The following CRTC3 variants were observed in gnomAD, a reference collection of about 807,000 sequenced individuals.
CRTC3 encodes the protein CREB regulated transcription coactivator 3.
In CRTC3, 26 loss-of-function variants were observed where a neutral mutation model predicts 74.5. That is an observed-to-expected ratio of 0.35 (90% CI 0.26 to 0.48). The LOEUF (loss-of-function observed/expected upper bound fraction) is 0.48. Ranked by LOEUF, CRTC3 falls within the 20% of genes least tolerant of loss-of-function variation. CRTC3 has a pLI of 0.99. For synonymous variants in CRTC3, 377 were observed against 325.8 expected, an observed-to-expected ratio of 1.16 and a Z score of -1.69; for missense variants, 760 against 787.3, an observed-to-expected ratio of 0.97 and a Z score of 0.41.
chr15:90,629,504 G>T lies in CRTC3; in HGVS notation c.1238G>T (p.Ser413Ile), dbSNP rs774224765. 6.2e-7 allele frequency: 1 copy of T among 1,613,974 alleles called. No individual in the cohort carries two copies. The change falls in exon 11 of 15, where the codon AGC becomes ATC. Residue 413 changes from serine (S) to isoleucine (I), a missense_variant. Ser to Ile is a moderately radical substitution (Grantham distance 142). This residue lies in a region of CRTC3 where 652 missense variants were observed against 635.2 expected (regional missense o/e 1.03). Coordinates refer to ENST00000268184, the MANE Select transcript of CRTC3 (RefSeq NM_022769.5). ...QGFSRQLSSTSPLAPYPTSQM... is the reference protein window; with the variant it reads ...QGFSRQLSSTIPLAPYPTSQM... ...TTCAGCAGACAGCTGTCTTCAACCAGCCCACTGGCCCCATATCCTACCTCC... is the reference window on the plus strand; with the variant it reads ...TTCAGCAGACAGCTGTCTTCAACCATCCCACTGGCCCCATATCCTACCTCC...
At chr15:90,567,317 GAA>G (rs1161091996) in intron 2 of CRTC3, among the ~76,000 whole-genome samples, 1 of 151,664 alleles carries the variant, frequency 6.6e-6, no homozygotes. Flanking sequence ...CTACTGCTCA[GAA>G]AAAAAAGATT....
chr15:90,618,430 T>C (rs1334052788), intron 8 of CRTC3, among the ~76,000 whole-genome samples: 1 of 152,186 alleles, frequency 6.6e-6, no homozygotes, highest in Non-Finnish European at 1.5e-5. Flanking sequence ...GTCATCTGTT[T>C]TACTATGATT....
intron 2 of CRTC3, among the ~76,000 whole-genome samples, chr15:90,568,983 A>C (rs7168388): frequency 6.6e-6 from 1 of 151,100 alleles, no homozygotes; most frequent in Non-Finnish European, 1.5e-5. Context: ...GTAAACAAGT[A>C]TAACGAAACT....
chr15:90,625,719 G>GTATTTGGCT, intron 9 of CRTC3, 57 bp from the exon 10 acceptor site: 1 of 1,478,814 alleles, frequency 6.8e-7, no homozygotes, highest in Non-Finnish European at 9.5e-7. Context: ...AGCCATGTTT[G>GTATTTGGCT]GTTTCCCAAC....
chr15:90,636,254 A>G (rs1394537357), intron 11 of CRTC3, among the ~76,000 whole-genome samples: 3 of 151,994 alleles, frequency 2.0e-5, no homozygotes, highest in East Asian at 1.9e-4. Context: ...ATAATGCCAC[A>G]TATCTACAAC....
chr15:90,546,227 G>A (rs1002491534), intron 2 of CRTC3, among the ~76,000 whole-genome samples: 8 of 152,118 alleles, frequency 5.3e-5, no homozygotes, highest in Non-Finnish European at 1.0e-4. Flanking sequence ...GTGTGGTACA[G>A]GGTTTGGGTT....
At chr15:90,546,397 G>T (rs760162603) in intron 2 of CRTC3, among the ~76,000 whole-genome samples, 4 of 151,954 alleles carry the variant, frequency 2.6e-5, no homozygotes, top group Non-Finnish European at 1.5e-5. Flanking sequence ...TGGTTTCTTT[G>T]TCTATCATTT....
chr15:90,619,591 A>C, intron 8 of CRTC3, 150 bp from the exon 9 acceptor site: 2 of 677,132 alleles, frequency 3.0e-6, no homozygotes, highest in South Asian at 3.4e-5. Flanking sequence ...AGTCATGCCA[A>C]AACCTAAAAG....
rs183735439 is a variant in CRTC3, at chr15:90,545,629, T to C, written c.231+5492T>C. ...TCTCACTCTTTCGCCCAGGCTGGAGTGCAGTGGCACGATCTCGGCTCACTG... is the reference window on the plus strand; with the variant it reads ...TCTCACTCTTTCGCCCAGGCTGGAGCGCAGTGGCACGATCTCGGCTCACTG... On this transcript the variant is annotated intron_variant, in intron 2 of 14. Coordinates refer to ENST00000268184, the MANE Select transcript of CRTC3 (RefSeq NM_022769.5). Among the ~76,000 whole-genome samples the C allele has an allele frequency of 9.3e-3, 1,412 of 151,980 alleles. 27 individuals carry two copies. Among genetic ancestry groups the C allele is most frequent in the African/African-American group, 0.032 (1,316 of 41,422 alleles).
intron 3 of CRTC3, chr15:90,594,986 C>T (rs1423623414): frequency 6.6e-6 from 1 of 152,222 alleles, no homozygotes; most frequent in Non-Finnish European, 1.5e-5. Context: ...GTTTTTCTCT[C>T]CCCTTTCTCC....
intron 6 of CRTC3, among the ~76,000 whole-genome samples, chr15:90,610,201 A>G (rs1211884210): frequency 6.6e-6 from 1 of 152,228 alleles, no homozygotes; most frequent in African/African-American, 2.4e-5. Context: ...TTTTAAAACT[A>G]TCAACTGGCT....
chr15:90,541,765 T>A (rs1270199903), intron 2 of CRTC3, among the ~76,000 whole-genome samples: 4 of 150,828 alleles, frequency 2.7e-5, no homozygotes, highest in Non-Finnish European at 5.9e-5. Flanking sequence ...ATGATAATCC[T>A]TGGCCTTCCC....
At chr15:90,581,097 C>T (rs1365837077) in intron 2 of CRTC3, among the ~76,000 whole-genome samples, 2 of 152,066 alleles carry the variant, frequency 1.3e-5, no homozygotes, top group South Asian at 2.1e-4. Context: ...GAAAGTACTC[C>T]GTTCCCATCT....
chr15:90,604,281 G>T, intron 4 of CRTC3, 104 bp from the exon 5 acceptor site: 1 of 833,076 alleles, frequency 1.2e-6, no homozygotes, highest in Non-Finnish European at 2.1e-6. Context: ...CTCTTGCAGA[G>T]CGAGGTGAGT....
intron 9 of CRTC3, among the ~76,000 whole-genome samples, chr15:90,622,118 C>T (rs1190912151): frequency 6.6e-6 from 1 of 152,128 alleles, no homozygotes; most frequent in Non-Finnish European, 1.5e-5. Flanking sequence ...AGTGCAAAGA[C>T]CCCAAGGCAG....
At chr15:90,572,355 G>T (rs969411539) in intron 2 of CRTC3, among the ~76,000 whole-genome samples, 6 of 152,116 alleles carry the variant, frequency 3.9e-5, no homozygotes, top group East Asian at 1.9e-4. Context: ...GAGGAAAACT[G>T]CAGGGAACAT....
At chr15:90,565,071 T>G (rs894813694) in intron 2 of CRTC3, among the ~76,000 whole-genome samples, 3 of 152,182 alleles carry the variant, frequency 2.0e-5, no homozygotes. Flanking sequence ...GCCTCCCGAG[T>G]AGGTGGGATT....
At chr15:90,546,780 G>A (rs909930532) in intron 2 of CRTC3, among the ~76,000 whole-genome samples, 6 of 152,038 alleles carry the variant, frequency 3.9e-5, no homozygotes, top group African/African-American at 7.2e-5. Flanking sequence ...CCGCCACCAC[G>A]CCCAGCTAAT....
chr15:90,599,583 T>C (rs1300926774), intron 3 of CRTC3: 1 of 152,180 alleles, frequency 6.6e-6, no homozygotes, highest in East Asian at 1.9e-4. Flanking sequence ...TTTTCAAATA[T>C]CCACTAAATT....
Sources: gnomAD v4.1 joint callset for allele counts (sites outside exome capture counted in the v4.1 genomes callset) on GRCh38, gnomAD v4.1.1 for gene constraint, gnomAD v4.1.1 regional missense constraint, MANE v1.5 for transcripts, NCBI Gene and HGNC (gene_info 2026-07-23, HGNC 2026-07-21) for gene names.